The following RPS6KC1 variants were observed in gnomAD, a reference collection of about 807,000 sequenced individuals.
RPS6KC1 encodes inactive ribosomal protein S6 kinase delta-1.
A neutral mutation model predicts 103.8 loss-of-function variants in RPS6KC1; 54 were observed. The observed-to-expected ratio is 0.52, with a 90% CI of 0.42 to 0.65. The LOEUF (loss-of-function observed/expected upper bound fraction) is 0.65. Among genes scored for constraint, RPS6KC1 ranks in the 30% least tolerant of loss-of-function variants. RPS6KC1 has a pLI of 0.00. For synonymous variants in RPS6KC1, 439 were observed against 438.7 expected (o/e 1.00, Z -0.01); for missense variants, 1,151 against 1,253.8 (o/e 0.92, Z 1.24).
chr1:213,427,783 C>T, the RPS6KC1 span, among the ~76,000 whole-genome samples: 1 of 152,194 alleles, frequency 6.6e-6, no homozygotes, highest in Non-Finnish European at 1.5e-5. Context: ...ATGAAATCTG[C>T]TAAAATCAGC....
the RPS6KC1 span, among the ~76,000 whole-genome samples, chr1:213,533,990 A>G: frequency 1.3e-5 from 2 of 152,350 alleles, no homozygotes; most frequent in Non-Finnish European, 1.5e-5. Flanking sequence ...TCCCTGTTCT[A>G]TGATTTGCCC....
At chr1:213,092,188 G>A (rs1462751460) in intron 3 of RPS6KC1, among the ~76,000 whole-genome samples, 2 of 152,182 alleles carry the variant, frequency 1.3e-5, no homozygotes, top group South Asian at 2.1e-4. Flanking sequence ...GAAAGGCCCT[G>A]CAGGGATCAT....
the RPS6KC1 span, among the ~76,000 whole-genome samples, chr1:213,380,677 G>A: frequency 1.3e-5 from 2 of 152,118 alleles, no homozygotes; most frequent in Non-Finnish European, 1.5e-5. Context: ...TATATAATTT[G>A]TATTTGTCAA....
intron 10 of RPS6KC1, among the ~76,000 whole-genome samples, chr1:213,238,580 A>G (rs891556216): frequency 1.3e-5 from 2 of 152,228 alleles, no homozygotes; most frequent in African/African-American, 2.4e-5. Flanking sequence ...TAAAGTAAGG[A>G]TCTAGTCGTA....
At chr1:213,510,519 G>C in the RPS6KC1 span, among the ~76,000 whole-genome samples, 1 of 152,074 alleles carries the variant, frequency 6.6e-6, no homozygotes, top group Non-Finnish European at 1.5e-5. Context: ...AGGCTATAAC[G>C]GGCTAGTTGT....
intron 8 of RPS6KC1, among the ~76,000 whole-genome samples, chr1:213,222,336 T>G (rs545777726): frequency 6.6e-6 from 1 of 152,306 alleles, no homozygotes; most frequent in South Asian, 2.1e-4. Context: ...GCTGAAAATA[T>G]CTTGTAGACT....
At chr1:213,455,223 G>T in the RPS6KC1 span, among the ~76,000 whole-genome samples, 1 of 152,216 alleles carries the variant, frequency 6.6e-6, no homozygotes, top group South Asian at 2.1e-4. Flanking sequence ...TCCCTGCAAG[G>T]AGGTGGAGGG....
the RPS6KC1 span, among the ~76,000 whole-genome samples, chr1:213,664,430 A>T: frequency 6.6e-6 from 1 of 152,186 alleles, no homozygotes; most frequent in Non-Finnish European, 1.5e-5. Flanking sequence ...TGGACTTTTT[A>T]AAATGGCAGC....
At chr1:213,094,095 C>G (rs201790799) in intron 3 of RPS6KC1, among the ~76,000 whole-genome samples, 3 of 146,788 alleles carry the variant, frequency 2.0e-5, no homozygotes, top group Non-Finnish European at 4.5e-5. Flanking sequence ...TCCCCCCCCC[C>G]ACCAAGAGAA....
At chr1:213,303,180 A>G in the RPS6KC1 span, among the ~76,000 whole-genome samples, 1 of 152,210 alleles carries the variant, frequency 6.6e-6, no homozygotes, top group Non-Finnish European at 1.5e-5. Context: ...TTAGGTCTTC[A>G]GCAAGCCAGG....
At chr1:213,693,594 G>A in the RPS6KC1 span, among the ~76,000 whole-genome samples, 1 of 152,312 alleles carries the variant, frequency 6.6e-6, no homozygotes, top group African/African-American at 2.4e-5. Flanking sequence ...AGCCACAGCA[G>A]GAATGGAGAC....
At chr1:213,311,229 T>C in the RPS6KC1 span, among the ~76,000 whole-genome samples, 2 of 151,950 alleles carry the variant, frequency 1.3e-5, no homozygotes, top group African/African-American at 4.8e-5. Flanking sequence ...AGCTCCGCCT[T>C]CCGGGTTCAC....
Position 213,167,927 on chromosome 1 carries a change from G to A in RPS6KC1, c.905G>A (p.Ser302Asn). ...GCCGAGTACCTCATGCGGGCAGAAAGTATCTCTAGTCTTTATGGGAAACCT... is the reference window on the plus strand; with the variant it reads ...GCCGAGTACCTCATGCGGGCAGAAAATATCTCTAGTCTTTATGGGAAACCT... ...RTAEYLMRAE[S>N]ISSLYGKPQL... The change falls in exon 7 of 15, where the codon AGT becomes AAT. Residue 302 changes from serine to asparagine, a missense_variant. Around this residue, in one of 3 missense-constraint regions of RPS6KC1, gnomAD observed 959 missense variants for 1,006.3 expected, o/e 0.95. Coordinates refer to ENST00000366960, the MANE Select transcript of RPS6KC1 (RefSeq NM_012424.6). The A allele has an allele frequency of 6.2e-7, 1 of 1,613,782 alleles. No individual in the cohort carries two copies. Among genetic ancestry groups the A allele is most frequent in the Non-Finnish European group, 8.5e-7 (1 of 1,179,826 alleles).
the RPS6KC1 span, among the ~76,000 whole-genome samples, chr1:213,531,568 C>G: frequency 6.6e-6 from 1 of 152,210 alleles, no homozygotes; most frequent in Non-Finnish European, 1.5e-5. Flanking sequence ...ATAACCAGTT[C>G]TGCCTGACTG....
chr1:213,651,935 A>C, the RPS6KC1 span, among the ~76,000 whole-genome samples: 1 of 152,174 alleles, frequency 6.6e-6, no homozygotes, highest in South Asian at 2.1e-4. Flanking sequence ...TTCAGGCCTC[A>C]GTTCACAGTC....
At chr1:213,350,955 C>T in the RPS6KC1 span, among the ~76,000 whole-genome samples, 3 of 151,978 alleles carry the variant, frequency 2.0e-5, no homozygotes, top group Non-Finnish European at 4.4e-5. Flanking sequence ...GTTTTCTTGT[C>T]GTCAAATGTT....
At chr1:213,260,086 C>T (rs2094748990) in intron 12 of RPS6KC1, among the ~76,000 whole-genome samples, 1 of 152,178 alleles carries the variant, frequency 6.6e-6, no homozygotes, top group African/African-American at 2.4e-5. Flanking sequence ...AGATGTGCCA[C>T]AACATATATG....
chr1:213,053,662 A>G (rs148779062), intron 1 of RPS6KC1, among the ~76,000 whole-genome samples: 27 of 152,316 alleles, frequency 1.8e-4, no homozygotes, highest in Admixed American at 1.3e-4. Context: ...CAATCAAGAT[A>G]GTTGAAAGAG....
intron 6 of RPS6KC1, among the ~76,000 whole-genome samples, chr1:213,143,748 T>C (rs1156902182): frequency 6.6e-6 from 1 of 152,072 alleles, no homozygotes; most frequent in African/African-American, 2.4e-5. Context: ...CAAAACAAAT[T>C]TTTAATTTTA....
Sources: allele counts gnomAD v4.1 joint callset (sites outside exome capture counted in the v4.1 genomes callset), GRCh38; gene constraint gnomAD v4.1.1; regional missense constraint gnomAD v4.1.1; transcripts MANE v1.5; gene names NCBI Gene and HGNC (gene_info 2026-07-23, HGNC 2026-07-21).